Variants in LRMDA observed in about 807,000 individuals in gnomAD.
The protein encoded by LRMDA is leucine-rich melanocyte differentiation-associated protein.
LRMDA carries 18 observed loss-of-function variants against 29.8 expected under a neutral mutation model. That is an observed-to-expected ratio of 0.60 (90% CI 0.42 to 0.90). The LOEUF is 0.90. Ranked by LOEUF, LRMDA falls within the 40% of genes least tolerant of loss-of-function variation. The pLI is 0.00. For missense variants in LRMDA, 273 were observed against 273.9 expected (o/e 1.00, Z 0.02); for synonymous variants, 125 against 109.4 (o/e 1.14, Z -0.89).
intron 2 of LRMDA, among the ~76,000 whole-genome samples, chr10:75,553,845 G>C (rs997741713): frequency 6.6e-6 from 1 of 151,984 alleles, no homozygotes; most frequent in Admixed American, 6.6e-5. Context: ...CTGTTGTTTG[G>C]TCTTAATCTC....
At chr10:75,653,393 T>A (rs1394780928) in intron 2 of LRMDA, among the ~76,000 whole-genome samples, 1 of 152,138 alleles carries the variant, frequency 6.6e-6, no homozygotes, top group Non-Finnish European at 1.5e-5. Context: ...AAAGTCAAAA[T>A]TTTCAGTTCC....
intron 5 of LRMDA, among the ~76,000 whole-genome samples, chr10:76,177,715 C>T (rs1332938473): frequency 6.6e-6 from 1 of 152,126 alleles, no homozygotes; most frequent in African/African-American, 2.4e-5. Context: ...ATTGAGAGAC[C>T]TCCCAATTTT....
At chr10:75,690,264 C>T (rs990836335) in intron 2 of LRMDA, among the ~76,000 whole-genome samples, 2 of 152,170 alleles carry the variant, frequency 1.3e-5, no homozygotes, top group Non-Finnish European at 2.9e-5. Flanking sequence ...TGTGACACAA[C>T]TAGTCAGTGG....
chr10:76,291,932 G>GCACACACA (rs34113053), intron 5 of LRMDA, among the ~76,000 whole-genome samples: 23 of 148,582 alleles, frequency 1.5e-4, no homozygotes, highest in African/African-American at 5.7e-4. Flanking sequence ...ACACACACGT[G>GCACACACA]CACACACACA....
intron 5 of LRMDA, among the ~76,000 whole-genome samples, chr10:76,208,401 G>C (rs570947969): frequency 6.6e-6 from 1 of 152,242 alleles, no homozygotes; most frequent in South Asian, 2.1e-4. Context: ...ATTGGCGGGG[G>C]GCAACAGTTT....
chr10:76,203,920 C>T (rs530424382), intron 5 of LRMDA, among the ~76,000 whole-genome samples: 24 of 150,026 alleles, frequency 1.6e-4, no homozygotes, highest in African/African-American at 5.9e-4. Context: ...ATGTGCCCGT[C>T]CACCCATCCC....
In LRMDA at chr10:76,018,161, A is replaced by G. The variant is rs1847909593; in HGVS notation, c.132-17847A>G. ...CAGAGCAGTTTGCCCGACAATAGAC[A>G]GAGCAAAAGTCTTATCCTCGATCTA... On this transcript the variant is annotated intron_variant, in intron 2 of 6. Coordinates refer to ENST00000611255, the MANE Select transcript of LRMDA (RefSeq NM_001305581.2). 2.6e-5 allele frequency among the ~76,000 whole-genome samples: 4 copies of G among 152,222 alleles called. No individual in the cohort carries two copies. The South Asian group carries it at 8.3e-4, about 32-fold the overall frequency.
chr10:75,550,964 T>G (rs1840135314), intron 2 of LRMDA, among the ~76,000 whole-genome samples: 1 of 151,368 alleles, frequency 6.6e-6, no homozygotes, highest in Non-Finnish European at 1.5e-5. Context: ...TTTGTTCTAT[T>G]GTCTACATTT....
At chr10:75,682,946 G>A (rs1842041496) in intron 2 of LRMDA, among the ~76,000 whole-genome samples, 1 of 152,114 alleles carries the variant, frequency 6.6e-6, no homozygotes, top group Non-Finnish European at 1.5e-5. Flanking sequence ...AAAACATAAA[G>A]CATATCCATC....
chr10:75,754,099 C>T (rs538056456), intron 2 of LRMDA, among the ~76,000 whole-genome samples: 29 of 152,310 alleles, frequency 1.9e-4, no homozygotes, highest in Non-Finnish European at 2.8e-4. Flanking sequence ...TTCCTGCTTC[C>T]AGCCAGCCCT....
At chr10:76,289,395 A>G (rs1382960865) in intron 5 of LRMDA, among the ~76,000 whole-genome samples, 2 of 152,146 alleles carry the variant, frequency 1.3e-5, no homozygotes, top group African/African-American at 4.8e-5. Context: ...GCCTTCTTTT[A>G]TGACTATTTC....
At position 76,087,192 on chromosome 10, in the gene LRMDA, G is replaced by C. The variant is rs79790330; in HGVS notation, c.516+28409G>C. ...AGAGGAATTACACAGGGGTAGTCTC[G>C]TTGTAGCAGGGAAAACAGAGGTCAG... is the stretch of plus-strand genomic sequence containing the variant. On this transcript the variant is annotated intron_variant, in intron 5 of 6. Coordinates refer to ENST00000611255, the MANE Select transcript of LRMDA (RefSeq NM_001305581.2). Among the ~76,000 whole-genome samples, 297 of 152,222 alleles carry C rather than the reference G, an allele frequency of 2.0e-3. 5 individuals are homozygous for C. The highest frequency in any genetic ancestry group is 7.0e-3 in the African/African-American group (290 of 41,528).
chr10:75,966,555 G>GA (rs1846864254), intron 2 of LRMDA, among the ~76,000 whole-genome samples: 8 of 152,236 alleles, frequency 5.3e-5, no homozygotes, highest in Admixed American at 4.6e-4. Context: ...CATCATTTGG[G>GA]TAACTACACA....
chr10:76,218,444 T>C (rs1851768475), intron 5 of LRMDA, among the ~76,000 whole-genome samples: 1 of 151,954 alleles, frequency 6.6e-6, no homozygotes, highest in South Asian at 2.1e-4. Flanking sequence ...ATGCAGGGAG[T>C]GATTGGATTT....
chr10:75,997,434 G>A (rs556967463), intron 2 of LRMDA, among the ~76,000 whole-genome samples: 5 of 150,906 alleles, frequency 3.3e-5, no homozygotes, highest in African/African-American at 4.9e-5. Context: ...TATTCTACTC[G>A]GTATCATGAA....
chr10:76,417,774 T>C (rs1360626106), intron 6 of LRMDA, among the ~76,000 whole-genome samples: 1 of 152,194 alleles, frequency 6.6e-6, no homozygotes, highest in Non-Finnish European at 1.5e-5. Context: ...TACTCAAAGG[T>C]CATGACGGTA....
Position 76,162,740 on chromosome 10 carries a change from T to C in LRMDA, c.516+103957T>C, listed in dbSNP as rs193054667. ...ACCTCCCACCAGGCCCCACCTCTAA[T>C]CCTGGGATTACAATTCAACATGAGA... On this transcript the variant is annotated intron_variant, in intron 5 of 6. Coordinates refer to ENST00000611255, the MANE Select transcript of LRMDA (RefSeq NM_001305581.2). Among the ~76,000 whole-genome samples the C allele has an allele frequency of 1.8e-3, 278 of 152,288 alleles. No individual in the cohort carries two copies. The Middle Eastern group carries it at 0.034, about 19-fold the overall frequency.
At chr10:76,542,053 ACGTG>A (rs1187204899) in intron 6 of LRMDA, among the ~76,000 whole-genome samples, 1 of 97,602 alleles carries the variant, frequency 1.0e-5, no homozygotes, top group Non-Finnish European at 2.1e-5. Context: ...AGGTGTGTGC[ACGTG>A]TGTGTGTGTG....
At chr10:76,280,618 G>GGAGAGAA (rs1368518781) in intron 5 of LRMDA, among the ~76,000 whole-genome samples, 1 of 151,958 alleles carries the variant, frequency 6.6e-6, no homozygotes, top group Non-Finnish European at 1.5e-5. Flanking sequence ...AATTAGTCTG[G>GGAGAGAA]GAGAGAATGT....
Sources: allele counts gnomAD v4.1 joint callset (sites outside exome capture counted in the v4.1 genomes callset), GRCh38; gene constraint gnomAD v4.1.1; transcripts MANE v1.5; gene names NCBI Gene and HGNC (gene_info 2026-07-23, HGNC 2026-07-21).